The following SNTG1 variants were observed in gnomAD, a reference collection of about 807,000 sequenced individuals.
SNTG1 encodes gamma-1-syntrophin.
Under a neutral mutation model 74.7 loss-of-function variants are expected in SNTG1, and 39 were observed. The ratio of observed to expected loss-of-function variants is 0.52; its 90% confidence interval spans 0.40 to 0.68. The LOEUF is 0.68. SNTG1 is among the 30% of genes least tolerant of loss of function. SNTG1 has a pLI of 0.00. For missense variants in SNTG1, 685 were observed against 609.5 expected (o/e 1.12, Z -1.30); for synonymous variants, 254 against 217.1 (o/e 1.17, Z -1.49).
At chr8:50,001,356 T>A (rs933270704) in intron 1 of SNTG1, among the ~76,000 whole-genome samples, 8 of 152,138 alleles carry the variant, frequency 5.3e-5, no homozygotes. Context: ...TTGAGTTTTC[T>A]CAGGACAGCA....
At chr8:50,054,830 C>G (rs1819885977) in intron 1 of SNTG1, among the ~76,000 whole-genome samples, 1 of 152,012 alleles carries the variant, frequency 6.6e-6, no homozygotes, top group African/African-American at 2.4e-5. Flanking sequence ...CACCACCATG[C>G]CCAGCTAATT....
At chr8:50,074,218 T>C (rs1234969469) in intron 1 of SNTG1, among the ~76,000 whole-genome samples, 1 of 152,204 alleles carries the variant, frequency 6.6e-6, no homozygotes, top group Non-Finnish European at 1.5e-5. Flanking sequence ...AGTACTTTTA[T>C]GTTATGATGA....
At chr8:50,655,720 G>A (rs10101893) in intron 13 of SNTG1, among the ~76,000 whole-genome samples, 31,978 of 152,138 alleles carry the variant, frequency 0.21, 3,723 homozygotes, top group African/African-American at 0.3. Flanking sequence ...GTAGACGACA[G>A]TAATATTTCA....
At chr8:50,317,294 A>G (rs961692219) in intron 2 of SNTG1, among the ~76,000 whole-genome samples, 3 of 152,168 alleles carry the variant, frequency 2.0e-5, no homozygotes, top group African/African-American at 7.2e-5. Flanking sequence ...TTTGTCCAGA[A>G]CAATACTGAT....
chr8:50,077,130 A>G (rs971840374), intron 1 of SNTG1, among the ~76,000 whole-genome samples: 1 of 152,338 alleles, frequency 6.6e-6, no homozygotes, highest in African/African-American at 2.4e-5. Flanking sequence ...AATGCACAAC[A>G]CAACATCCAA....
At chr8:50,622,744 C>T (rs976933545) in intron 13 of SNTG1, among the ~76,000 whole-genome samples, 1 of 151,846 alleles carries the variant, frequency 6.6e-6, no homozygotes. Context: ...TAAAAAAGGT[C>T]GGTGGTAACA....
At chr8:50,524,416 G>C (rs754380680) in intron 9 of SNTG1, among the ~76,000 whole-genome samples, 18 of 151,858 alleles carry the variant, frequency 1.2e-4, no homozygotes, top group Non-Finnish European at 2.2e-4. Flanking sequence ...AGTCACCTAG[G>C]CAAGAAATAA....
intron 1 of SNTG1, among the ~76,000 whole-genome samples, chr8:50,152,258 T>G (rs1050275518): frequency 1.3e-5 from 2 of 152,200 alleles, no homozygotes; most frequent in Non-Finnish European, 2.9e-5. Flanking sequence ...TCCATTTGCT[T>G]GGTAGATCTT....
intron 1 of SNTG1, among the ~76,000 whole-genome samples, chr8:50,146,324 C>T (rs1471536845): frequency 6.6e-6 from 1 of 151,978 alleles, no homozygotes; most frequent in Admixed American, 6.6e-5. Context: ...TCGCGACCAG[C>T]CTGACTAACA....
chr8:50,755,390 G>C (rs949292084), intron 18 of SNTG1, among the ~76,000 whole-genome samples: 2 of 151,386 alleles, frequency 1.3e-5, no homozygotes, highest in African/African-American at 4.9e-5. Context: ...ATTTTACTTA[G>C]TGGTATGACT....
chr8:50,395,324 A>G (rs1184642414), intron 3 of SNTG1, among the ~76,000 whole-genome samples: 1 of 152,032 alleles, frequency 6.6e-6, no homozygotes, highest in Non-Finnish European at 1.5e-5. Flanking sequence ...GCTAATACTC[A>G]TCAAATTACA....
At chr8:50,522,740 G>A (rs978987265) in intron 9 of SNTG1, among the ~76,000 whole-genome samples, 54 of 152,118 alleles carry the variant, frequency 3.5e-4, no homozygotes, top group African/African-American at 1.2e-3. Context: ...CGCCATGCCC[G>A]GCTTATTTCT....
chr8:50,523,826 A>G (rs1296042094), intron 9 of SNTG1, among the ~76,000 whole-genome samples: 2 of 152,226 alleles, frequency 1.3e-5, no homozygotes, highest in Non-Finnish European at 1.5e-5. Flanking sequence ...TGGTTGACAT[A>G]AACCTTCAAT....
chr8:50,034,241 G>A (rs143960184), intron 1 of SNTG1, among the ~76,000 whole-genome samples: 3 of 152,244 alleles, frequency 2.0e-5, no homozygotes, highest in Non-Finnish European at 4.4e-5. Flanking sequence ...TGGTTACAAA[G>A]CATTAGAAGA....
chr8:50,619,593 T>A (rs2094907568), intron 13 of SNTG1, among the ~76,000 whole-genome samples: 1 of 151,628 alleles, frequency 6.6e-6, no homozygotes, highest in Non-Finnish European at 1.5e-5. Context: ...TAGCTGGGCG[T>A]GGTGGCGGGC....
chr8:50,303,155 C>T (rs2089725294), intron 2 of SNTG1, among the ~76,000 whole-genome samples: 1 of 152,064 alleles, frequency 6.6e-6, no homozygotes. Flanking sequence ...TTTCTATGGT[C>T]TCTAAGACGA....
chr8:50,682,078 A>C (rs1002873474), intron 15 of SNTG1, among the ~76,000 whole-genome samples: 2 of 152,160 alleles, frequency 1.3e-5, no homozygotes, highest in Non-Finnish European at 2.9e-5. Flanking sequence ...TACCAAAAAG[A>C]AGAAATAGCA....
At chr8:50,365,414 A>G (rs1415918316) in intron 2 of SNTG1, among the ~76,000 whole-genome samples, 4 of 152,126 alleles carry the variant, frequency 2.6e-5, no homozygotes, top group Non-Finnish European at 5.9e-5. Flanking sequence ...AACTCCACGT[A>G]ATATACAAAT....
At chr8:50,320,442 T>A (rs1225409028) in intron 2 of SNTG1, among the ~76,000 whole-genome samples, 1 of 152,114 alleles carries the variant, frequency 6.6e-6, no homozygotes, top group Non-Finnish European at 1.5e-5. Context: ...GACAATTTTG[T>A]TTATCTTTCA....
Sources: gnomAD v4.1 joint callset for allele counts (sites outside exome capture counted in the v4.1 genomes callset) on GRCh38, gnomAD v4.1.1 for gene constraint, MANE v1.5 for transcripts, NCBI Gene and HGNC (gene_info 2026-07-23, HGNC 2026-07-21) for gene names.